The following PCTP variants were observed in gnomAD, a reference collection of about 807,000 sequenced individuals.
PCTP encodes the protein START domain-containing protein 2.
In PCTP, 27 loss-of-function variants were observed where a neutral mutation model predicts 31.0. That is an observed-to-expected ratio of 0.87 (90% CI 0.64 to 1.20). The LOEUF (loss-of-function observed/expected upper bound fraction) is 1.20, where lower values mean the gene tolerates loss of function less well. Among genes scored for constraint, PCTP ranks in the 50% most tolerant of loss-of-function variants. The probability of loss-of-function intolerance (pLI) is 0.00; values close to 1 mark genes in which losing one functional copy is unlikely to be tolerated. For missense variants in PCTP, 287 were observed against 268.2 expected, an observed-to-expected ratio of 1.07 and a Z score of -0.49; for synonymous variants, 108 against 101.2, an observed-to-expected ratio of 1.07 and a Z score of -0.40.
At chr17:55,800,059 G>A (rs1403290948) in intron 3 of PCTP, among the ~76,000 whole-genome samples, 1 of 152,042 alleles carries the variant, frequency 6.6e-6, no homozygotes, top group African/African-American at 2.4e-5. Context: ...TCTTGGGGTT[G>A]CTTTTCTCGA....
chr17:55,824,860 G>A (rs146205590), downstream of PCTP, among the ~76,000 whole-genome samples: 742 of 152,244 alleles, frequency 4.9e-3, 1 homozygote, highest in Non-Finnish European at 8.3e-3. Flanking sequence ...TTATAACACT[G>A]CCAGTCCTTT....
intron 3 of PCTP, among the ~76,000 whole-genome samples, chr17:55,789,426 A>G (rs1486535445): frequency 6.6e-6 from 1 of 152,198 alleles, no homozygotes; most frequent in Admixed American, 6.6e-5. Flanking sequence ...TATCCTGACT[A>G]AGTGATCAGT....
intron 1 of PCTP, among the ~76,000 whole-genome samples, chr17:55,762,819 A>G (rs1910409942): frequency 6.6e-6 from 1 of 151,716 alleles, no homozygotes; most frequent in Non-Finnish European, 1.5e-5. Flanking sequence ...AGACCAGGGA[A>G]GTTATTGGCT....
intron 3 of PCTP, 105 bp from the exon 4 acceptor site, chr17:55,773,619 A>G: frequency 1.8e-6 from 2 of 1,105,230 alleles, no homozygotes; most frequent in Non-Finnish European, 2.6e-6. Flanking sequence ...AGCAAATGCC[A>G]AGTGGGAGGC....
downstream of PCTP, among the ~76,000 whole-genome samples, chr17:55,782,039 A>G (rs923427925): frequency 6.6e-6 from 1 of 152,248 alleles, no homozygotes; most frequent in East Asian, 1.9e-4. Flanking sequence ...ACCTCATGAT[A>G]TAGTTCCAGT....
intron 3 of PCTP, among the ~76,000 whole-genome samples, chr17:55,801,532 A>G (rs997378752): frequency 6.6e-6 from 1 of 152,198 alleles, no homozygotes; most frequent in Non-Finnish European, 1.5e-5. Flanking sequence ...CCACAGTGCA[A>G]TCAAATTAGA....
chr17:55,788,437 G>A (rs1911829006), intron 3 of PCTP, among the ~76,000 whole-genome samples: 1 of 152,084 alleles, frequency 6.6e-6, no homozygotes, highest in African/African-American at 2.4e-5. Flanking sequence ...TACTTATGGG[G>A]ATTATGTTAT....
chr17:55,824,722 G>A (rs1278727773), downstream of PCTP, among the ~76,000 whole-genome samples: 3 of 152,108 alleles, frequency 2.0e-5, no homozygotes, highest in Non-Finnish European at 4.4e-5. Flanking sequence ...AGAAGACCAA[G>A]GCTTTGGGCC....
At chr17:55,816,858 G>A (rs905377721) in intron 3 of PCTP, among the ~76,000 whole-genome samples, 9 of 152,188 alleles carry the variant, frequency 5.9e-5, no homozygotes, top group African/African-American at 9.7e-5. Context: ...GGAGCAGAAC[G>A]TTTGCTAAAT....
At chr17:55,797,697 A>G (rs1404674762) in intron 3 of PCTP, among the ~76,000 whole-genome samples, 1 of 152,010 alleles carries the variant, frequency 6.6e-6, no homozygotes, top group African/African-American at 2.4e-5. Context: ...GCTAAAAGAG[A>G]TGGAGTCAGA....
chr17:55,842,211 C>A (rs963317051), intron 5 of PCTP, among the ~76,000 whole-genome samples: 5 of 151,936 alleles, frequency 3.3e-5, no homozygotes, highest in African/African-American at 1.2e-4. Flanking sequence ...TAGTGTGGGG[C>A]AAATGGAATG....
At position 55,771,096 on chromosome 17, in the gene PCTP, T is replaced by C; in HGVS notation, c.260-10T>C. 1 of 1,609,652 alleles carries C rather than the reference T, an allele frequency of 6.2e-7. No individual in the cohort carries two copies. Among genetic ancestry groups the C allele is most frequent in the Non-Finnish European group, 8.5e-7 (1 of 1,176,002 alleles). ...TTCCAGATGCATTAACTTCTTTTGCTTTCCTTTAGAACTCTATGAACAAGA... is the reference window on the plus strand; with the variant it reads ...TTCCAGATGCATTAACTTCTTTTGCCTTCCTTTAGAACTCTATGAACAAGA... On this transcript the variant is annotated splice_polypyrimidine_tract_variant and intron_variant, in intron 2 of 5. Coordinates refer to ENST00000268896, the MANE Select transcript of PCTP (RefSeq NM_021213.4).
At chr17:55,791,818 AG>A (rs1405227707) in intron 3 of PCTP, among the ~76,000 whole-genome samples, 4 of 152,068 alleles carry the variant, frequency 2.6e-5, no homozygotes, top group Non-Finnish European at 5.9e-5. Context: ...ATATACCCAA[AG>A]GACTATAAAT....
chr17:55,759,937 C>T (rs1222847039), intron 1 of PCTP, among the ~76,000 whole-genome samples: 1 of 152,112 alleles, frequency 6.6e-6, no homozygotes, highest in African/African-American at 2.4e-5. Context: ...GTACTGTTGA[C>T]AATAATATTT....
At chr17:55,758,229 G>T (rs1168260476) in intron 1 of PCTP, among the ~76,000 whole-genome samples, 1 of 152,170 alleles carries the variant, frequency 6.6e-6, no homozygotes, top group Non-Finnish European at 1.5e-5. Context: ...GTGAGAAGGG[G>T]CAGCCTAAAT....
At chr17:55,780,618 G>A (rs1388341405), downstream of PCTP, among the ~76,000 whole-genome samples, 1 of 152,176 alleles carries the variant, frequency 6.6e-6, no homozygotes, top group Admixed American at 6.5e-5. Flanking sequence ...AATGGACCTG[G>A]CATGACATGT....
chr17:55,851,130 G>A, the PCTP span, among the ~76,000 whole-genome samples: 1 of 152,198 alleles, frequency 6.6e-6, no homozygotes, highest in Non-Finnish European at 1.5e-5. Context: ...AGGGGAAGGA[G>A]CTCTGGCCAT....
downstream of PCTP, among the ~76,000 whole-genome samples, chr17:55,844,246 T>A (rs1192712315): frequency 2.0e-5 from 3 of 152,222 alleles, no homozygotes; most frequent in Non-Finnish European, 4.4e-5. Flanking sequence ...CCATTTTGTG[T>A]GCAAATTAGA....
At chr17:55,792,659 G>A (rs1912042684) in intron 3 of PCTP, among the ~76,000 whole-genome samples, 1 of 151,994 alleles carries the variant, frequency 6.6e-6, no homozygotes, top group South Asian at 2.1e-4. Flanking sequence ...TTATCCCTGG[G>A]CCTCAGTTTC....
Sources: allele counts gnomAD v4.1 joint callset (sites outside exome capture counted in the v4.1 genomes callset), GRCh38; gene constraint gnomAD v4.1.1; transcripts MANE v1.5; gene names NCBI Gene and HGNC (gene_info 2026-07-23, HGNC 2026-07-21).